SGCZ: variants seen among roughly 807,000 people sequenced by gnomAD.
SGCZ encodes sarcoglycan zeta, also known as zeta-sarcoglycan.
A neutral mutation model predicts 41.3 loss-of-function variants in SGCZ; 40 were observed. The ratio of observed to expected loss-of-function variants is 0.97; its 90% CI spans 0.75 to 1.26. The LOEUF (loss-of-function observed/expected upper bound fraction) is 1.26, where lower values mean the gene tolerates loss of function less well. Among genes scored for constraint, SGCZ ranks in the 50% most tolerant of loss-of-function variants. The pLI is 0.00. For missense variants in SGCZ, 552 were observed against 369.8 expected (o/e 1.49, Z -4.04); for synonymous variants, 206 against 137.5 (o/e 1.50, Z -3.49).
intron 4 of SGCZ, among the ~76,000 whole-genome samples, chr8:14,186,871 A>T (rs1804921560): frequency 1.3e-5 from 2 of 152,218 alleles, no homozygotes; most frequent in Non-Finnish European, 2.9e-5. Context: ...AGGCAAAGAG[A>T]CAGTTAAGAG....
intron 1 of SGCZ, among the ~76,000 whole-genome samples, chr8:14,860,262 T>C (rs1271418548): frequency 1.3e-5 from 2 of 152,012 alleles, no homozygotes; most frequent in African/African-American, 2.4e-5. Flanking sequence ...AGATACTGCC[T>C]GGATTTCTAC....
chr8:14,290,328 AT>A (rs34389354), intron 3 of SGCZ, among the ~76,000 whole-genome samples: 113,909 of 151,386 alleles, frequency 0.75, 43,288 homozygotes, highest in Non-Finnish European at 0.8. Context: ...AAAAGAAAAT[AT>A]AGACACATGA....
intron 1 of SGCZ, among the ~76,000 whole-genome samples, chr8:15,011,122 T>C (rs528480446): frequency 3.3e-5 from 5 of 152,226 alleles, no homozygotes; most frequent in South Asian, 2.1e-4. Flanking sequence ...TACATCTTTT[T>C]ATGTCTTCAA....
intron 1 of SGCZ, among the ~76,000 whole-genome samples, chr8:15,018,836 C>A (rs1163008960): frequency 6.6e-6 from 1 of 152,124 alleles, no homozygotes; most frequent in African/African-American, 2.4e-5. Context: ...ACAGGCTGTA[C>A]AGGAAGCATG....
intron 1 of SGCZ, among the ~76,000 whole-genome samples, chr8:14,850,040 T>C (rs374750143): frequency 6.6e-6 from 1 of 152,226 alleles, no homozygotes; most frequent in East Asian, 1.9e-4. Flanking sequence ...CAAACTGTTA[T>C]ACCCATTCGC....
At chr8:14,940,834 G>C (rs768368945) in intron 1 of SGCZ, among the ~76,000 whole-genome samples, 1 of 151,962 alleles carries the variant, frequency 6.6e-6, no homozygotes, top group Non-Finnish European at 1.5e-5. Context: ...AGGGGGAGAC[G>C]TTTTACGTGT....
intron 1 of SGCZ, among the ~76,000 whole-genome samples, chr8:15,212,197 C>A (rs1324410067): frequency 6.6e-6 from 1 of 152,114 alleles, no homozygotes; most frequent in Non-Finnish European, 1.5e-5. Context: ...CCTTAAATCT[C>A]TTAAGGCTCA....
At chr8:14,911,385 C>G (rs1799275485) in intron 1 of SGCZ, among the ~76,000 whole-genome samples, 1 of 151,922 alleles carries the variant, frequency 6.6e-6, no homozygotes, top group Admixed American at 6.6e-5. Context: ...AAGACAGCAT[C>G]AAAAGAAATC....
chr8:14,415,290 G>A (rs1191585064), intron 2 of SGCZ, among the ~76,000 whole-genome samples: 3 of 151,802 alleles, frequency 2.0e-5, no homozygotes, highest in African/African-American at 7.3e-5. Flanking sequence ...TACAAAAATT[G>A]TTTATCACAA....
At chr8:14,846,776 AG>A (rs1254834149) in intron 1 of SGCZ, among the ~76,000 whole-genome samples, 2 of 151,168 alleles carry the variant, frequency 1.3e-5, no homozygotes, top group African/African-American at 4.9e-5. Context: ...AGATAAGAAG[AG>A]AAGAATACCA....
chr8:14,743,271 A>G (rs1799246654), intron 1 of SGCZ, among the ~76,000 whole-genome samples: 1 of 152,050 alleles, frequency 6.6e-6, no homozygotes. Context: ...ATTACTGAAC[A>G]TGAAAACTAT....
intron 2 of SGCZ, among the ~76,000 whole-genome samples, chr8:14,411,462 A>G (rs1374877834): frequency 1.3e-5 from 2 of 152,086 alleles, no homozygotes. Context: ...GCTGAAACCA[A>G]TATCAAGTTT....
chr8:14,856,274 G>C (rs549135983), intron 1 of SGCZ, among the ~76,000 whole-genome samples: 16 of 152,282 alleles, frequency 1.1e-4, no homozygotes, highest in Non-Finnish European at 1.5e-4. Context: ...GATACAGACT[G>C]TAACGAATCC....
intron 1 of SGCZ, among the ~76,000 whole-genome samples, chr8:14,669,717 C>G (rs1808041644): frequency 6.6e-6 from 1 of 152,058 alleles, no homozygotes; most frequent in South Asian, 2.1e-4. Flanking sequence ...CACACACACA[C>G]ACACACACAC....
At chr8:14,446,789 A>G (rs1800444771) in intron 2 of SGCZ, among the ~76,000 whole-genome samples, 1 of 152,228 alleles carries the variant, frequency 6.6e-6, no homozygotes, top group Admixed American at 6.5e-5. Context: ...AGTACTAAAC[A>G]AATGGATAGT....
In SGCZ at chr8:14,499,235, A is replaced by C. The variant is rs571510559; in HGVS notation, c.234+55497T>G. On this transcript the variant is annotated intron_variant, in intron 2 of 7. Transcript: ENST00000382080. ...ATTTTACTTTATATATGCAAGTTCT[A>C]CTTCATATTTGTGAATTGGGTAAAT... is the stretch of plus-strand genomic sequence containing the variant. Among the ~76,000 whole-genome samples, 5 of 152,114 alleles carry C rather than the reference A, an allele frequency of 3.3e-5. No homozygotes were observed. In the East Asian group the frequency reaches 9.6e-4, roughly 29 times the overall value.
intron 3 of SGCZ, among the ~76,000 whole-genome samples, chr8:14,311,157 A>G (rs1485725272): frequency 1.3e-5 from 2 of 152,172 alleles, no homozygotes; most frequent in East Asian, 1.9e-4. Context: ...TTGTCCATAT[A>G]GAAACATACA....
At chr8:15,028,471 G>GTCTT (rs761326766) in intron 1 of SGCZ, among the ~76,000 whole-genome samples, 4 of 112,850 alleles carry the variant, frequency 3.5e-5, no homozygotes, top group African/African-American at 5.8e-5. Flanking sequence ...GAACACCATC[G>GTCTT]TCTAAGTTGA....
intron 1 of SGCZ, among the ~76,000 whole-genome samples, chr8:14,874,986 G>A (rs944587409): frequency 1.3e-5 from 2 of 152,134 alleles, no homozygotes; most frequent in Admixed American, 1.3e-4. Context: ...TCTTAAAAAG[G>A]ACTCAGATCT....
Sources: gnomAD v4.1 joint callset for allele counts (sites outside exome capture counted in the v4.1 genomes callset) on GRCh38, gnomAD v4.1.1 for gene constraint, MANE v1.5 for transcripts, NCBI Gene and HGNC (gene_info 2026-07-23, HGNC 2026-07-21) for gene names.